RASSF7: variants seen among roughly 807,000 people sequenced by gnomAD.
The protein encoded by RASSF7 is ras association domain-containing protein 7.
In RASSF7, 41 loss-of-function variants were observed where a neutral mutation model predicts 33.8. The ratio of observed to expected loss-of-function variants is 1.21; its 90% CI spans 0.95 to 1.57. The LOEUF is 1.57. RASSF7 is among the 40% of genes most tolerant of loss of function. RASSF7 has a pLI of 0.00. For missense variants in RASSF7, 622 were observed against 497.0 expected (o/e 1.25, Z -2.39); for synonymous variants, 298 against 212.8 (o/e 1.40, Z -3.48).
In RASSF7 at chr11:562,167, C is replaced by T. The variant is rs747342490; in HGVS notation, c.213C>T (p.Ala71=). The part of the protein sequence containing the change: ...LPQECPVGAQ[A]TCGQFASDVQ... ...AAGAGTGTCCAGTGGGCGCCCAGGCCACCTGCGGACAGTTTGCCAGCGATG... is the reference window on the plus strand; with the variant it reads ...AAGAGTGTCCAGTGGGCGCCCAGGCTACCTGCGGACAGTTTGCCAGCGATG... The change falls in exon 3 of 6, where the codon GCC becomes GCT. Residue 71 remains alanine, a synonymous_variant. Coordinates refer to ENST00000397583, the MANE Select transcript of RASSF7 (RefSeq NM_003475.4). The T allele has an allele frequency of 1.9e-6, 3 of 1,572,224 alleles. No homozygotes were observed. Among genetic ancestry groups the T allele is most frequent in the African/African-American group, 1.4e-5 (1 of 73,886 alleles).
In RASSF7 at chr11:562,416, C is replaced by A. The variant is rs776103434; in HGVS notation, c.462C>A (p.Asp154Glu). The change falls in exon 3 of 6, where the codon GAC (aspartate) becomes GAA (glutamate). Residue 154 changes from aspartate (D) to glutamate (E), a missense_variant. Asp to Glu is a conservative substitution (Grantham distance 45, BLOSUM62 2). Coordinates refer to ENST00000397583, the MANE Select transcript of RASSF7 (RefSeq NM_003475.4). ...PVTPTPGCCT[D>E]LRGLELRVQR... ...CACCCACACCAGGCTGCTGCACAGA[C>A]CTGCGGGGCCTGGAGCTCAGGGTGC... 2 of 1,557,680 alleles carry A rather than the reference C, an allele frequency of 1.3e-6. No individual in the cohort carries two copies. Among genetic ancestry groups the A allele is most frequent in the Non-Finnish European group, 1.7e-6 (2 of 1,150,592 alleles).
Position 561,912 on chromosome 11 carries a change from G to C in RASSF7, c.124+20G>C, listed in dbSNP as rs1327522880. On this transcript the variant is annotated intron_variant, in intron 2 of 5. Transcript: ENST00000397583. ...CAATAGGTGAGTCCTCTCGGGGTCA[G>C]GCAGGCCGGGCAGGTAGAGCTGAAG... The C allele has an allele frequency of 6.2e-6, 10 of 1,612,184 alleles. No homozygotes were observed. The highest frequency in any genetic ancestry group is 8.5e-6 in the Non-Finnish European group (10 of 1,179,286).
At position 563,333 on chromosome 11, in the gene RASSF7, G is replaced by C. The variant is rs367859913; in HGVS notation, c.951+16G>C. The C allele has an allele frequency of 2.6e-5, 42 of 1,606,652 alleles. No homozygotes were observed. Among genetic ancestry groups the C allele is most frequent in the Non-Finnish European group, 3.4e-5 (40 of 1,176,866 alleles). ...TGGCACTCAGGTCGGAGTGGTTCTG[G>C]GGGGAGGCTGGGAGGTGAGGACCTG... On this transcript the variant is annotated intron_variant, in intron 4 of 5. Transcript: ENST00000397583.
Position 562,757 on chromosome 11 carries a change from C to A in RASSF7, c.803C>A (p.Ala268Glu). 10 of 1,513,464 alleles carry A rather than the reference C, an allele frequency of 6.6e-6. No homozygotes were observed. Among genetic ancestry groups the A allele is most frequent in the East Asian group, 2.5e-5 (1 of 40,672 alleles). The allele number at this position is 1,513,464 out of a possible 1,614,324, so 93.8% of individuals were successfully genotyped here. Residue 268 changes from alanine (A) to glutamate (E), a missense_variant, in exon 3 of 6, where the codon GCA becomes GAA. Ala to Glu is a moderately radical substitution (Grantham distance 107). Coordinates refer to ENST00000397583, the MANE Select transcript of RASSF7 (RefSeq NM_003475.4). The stretch of plus-strand genomic sequence containing the variant: ...GCTCTGGTGAGCCGGGCCCTGGAGG[C>A]AGCAGAGCGAGCCTTGCAGGTGAGC... ...SLALVSRALE[A>E]AERALQAQAQ...
rs1430389883 is a variant in RASSF7 at position 561,448 on chromosome 11, C to G, written c.-37C>G. On this transcript the variant is annotated 5_prime_UTR_variant, in exon 1 of 6. Coordinates refer to ENST00000397583, the MANE Select transcript of RASSF7 (RefSeq NM_003475.4). ...TGGCGTGCGGGCGCCTCCGCGCCGC[C>G]CGGGGAGGGGGCAGTGTCCTCCGAG... is the stretch of plus-strand genomic sequence containing the variant. 8.5e-7 allele frequency: 1 copy of G among 1,179,942 alleles called. No individual in the cohort carries two copies. The highest frequency in any genetic ancestry group is 1.1e-6 in the Non-Finnish European group (1 of 948,378). 73.1% of individuals were successfully genotyped at this position (1,179,942 alleles called of 1,614,324 possible).
Position 562,391 on chromosome 11 carries a change from C to G in RASSF7, c.437C>G (p.Thr146Arg). Residue 146 changes from threonine (T) to arginine (R), a missense_variant, in exon 3 of 6, where the codon ACA (threonine) becomes AGA (arginine). Thr to Arg is a moderately conservative substitution (Grantham distance 71). Coordinates refer to ENST00000397583, the MANE Select transcript of RASSF7 (RefSeq NM_003475.4). ...LSRPGPAAPV[T>R]PTPGCCTDLR... is the part of the protein sequence containing the mutation. ...CGCCCTGGGCCTGCGGCCCCTGTGACACCCACACCAGGCTGCTGCACAGAC... is the reference window on the plus strand; with the variant it reads ...CGCCCTGGGCCTGCGGCCCCTGTGAGACCCACACCAGGCTGCTGCACAGAC... 1.3e-6 allele frequency: 2 copies of G among 1,575,696 alleles called. No individual in the cohort carries two copies. Among genetic ancestry groups the G allele is most frequent in the Non-Finnish European group, 1.7e-6 (2 of 1,160,602 alleles).
Position 561,178 on chromosome 11 carries a change from G to A in RASSF7, c.-307G>A. ...GCACCTGCGCCCGCCCTGCGGAACG[G>A]GGACGCCCTGGCTCCCGCCAGGCTG... On this transcript the variant is annotated 5_prime_UTR_variant, in exon 1 of 6. Transcript: ENST00000397583. 10 of 984,986 alleles carry A rather than the reference G, an allele frequency of 1.0e-5. No homozygotes were observed. The highest frequency in any genetic ancestry group is 1.2e-5 in the Non-Finnish European group (10 of 829,818). The allele number at this position is 984,986 out of a possible 1,614,324, so 61.0% of individuals were successfully genotyped here.
Position 561,177 on chromosome 11 carries a change from G to A in RASSF7, c.-308G>A. 1.0e-6 allele frequency: 1 copy of A among 984,990 alleles called. No homozygotes were observed. Among genetic ancestry groups the A allele is most frequent in the Non-Finnish European group, 1.2e-6 (1 of 829,808 alleles). 61.0% of individuals were successfully genotyped at this position (984,990 alleles called of 1,614,324 possible). On this transcript the variant is annotated 5_prime_UTR_variant, in exon 1 of 6. Coordinates refer to ENST00000397583, the MANE Select transcript of RASSF7 (RefSeq NM_003475.4). ...CGCACCTGCGCCCGCCCTGCGGAAC[G>A]GGGACGCCCTGGCTCCCGCCAGGCT...
In RASSF7 at chr11:561,015, C is replaced by T; in HGVS notation, c.-470C>T. Reference sequence around the variant, plus strand: ...TTGCGGCGGCGCCGGAGCGGGTCTCCAGGCTGGCGAGCGCCCAGGTGAGCC... The same window carrying T: ...TTGCGGCGGCGCCGGAGCGGGTCTCTAGGCTGGCGAGCGCCCAGGTGAGCC... On this transcript the variant is annotated 5_prime_UTR_variant, in exon 1 of 6. Coordinates refer to ENST00000397583, the MANE Select transcript of RASSF7 (RefSeq NM_003475.4). The T allele has an allele frequency of 2.9e-6, 3 of 1,018,786 alleles. No individual in the cohort carries two copies. Among genetic ancestry groups the T allele is most frequent in the Non-Finnish European group, 3.5e-6 (3 of 852,626 alleles). The allele number at this position is 1,018,786 out of a possible 1,614,324, so 63.1% of individuals were successfully genotyped here.
At position 563,960 on chromosome 11, in the gene RASSF7, A is replaced by G. The variant is rs1301816380; in HGVS notation, c.*315A>G. 2.2e-6 allele frequency: 1 copy of G among 455,558 alleles called. No homozygotes were observed. Among genetic ancestry groups the G allele is most frequent in the Non-Finnish European group, 3.9e-6 (1 of 256,020 alleles). 28.2% of individuals were successfully genotyped at this position (455,558 alleles called of 1,614,324 possible). On this transcript the variant is annotated 3_prime_UTR_variant, in exon 6 of 6. Transcript: ENST00000397583. ...TCCTTCACTGTGTGTACACAGCAAG[A>G]GCATGTGTGTGCCACTTCCCCTACC...
rs111862990 is a variant in RASSF7 at position 562,707 on chromosome 11, G to C, written c.753G>C (p.Gln251His). The C allele has an allele frequency of 9.5e-4, 1,459 of 1,542,230 alleles. 15 individuals are homozygous for C. In the African/African-American group the frequency reaches 0.018, roughly 19 times the overall value. ...LHQDLAVQER[Q>H]SAEVQGSLAL... Reference sequence around the variant, plus strand: ...AGGACCTGGCTGTTCAGGAGCGGCAGAGTGCGGAGGTGCAGGGCAGCCTGG... The same window carrying C: ...AGGACCTGGCTGTTCAGGAGCGGCACAGTGCGGAGGTGCAGGGCAGCCTGG... The change falls in exon 3 of 6, where the codon CAG becomes CAC. Residue 251 changes from glutamine (Q) to histidine (H), a missense_variant. Transcript: ENST00000397583.
At position 561,815 on chromosome 11, in the gene RASSF7, G is replaced by A. The variant is rs761702567; in HGVS notation, c.47G>A (p.Gly16Asp). Residue 16 changes from glycine to aspartate, a missense_variant, in exon 2 of 6, where the codon GGC becomes GAC. By Grantham distance (94) the Gly-to-Asp change is moderately conservative. Transcript: ENST00000397583. Reference protein sequence around the residue: ...AAMELKVWVDGIQRVVCGVSE... With the variant: ...AAMELKVWVDDIQRVVCGVSE... ...ATGGAGCTGAAGGTGTGGGTGGATG[G>A]CATCCAGCGTGTGGTCTGTGGGGTC... 6.8e-6 allele frequency: 11 copies of A among 1,613,300 alleles called. No homozygotes were observed. The highest frequency in any genetic ancestry group is 6.7e-5 in the African/African-American group (5 of 74,936).
At position 561,476 on chromosome 11, in the gene RASSF7, A is replaced by C; in HGVS notation, c.-9A>C. 2 of 1,262,818 alleles carry C rather than the reference A, an allele frequency of 1.6e-6. No homozygotes were observed. The highest frequency in any genetic ancestry group is 2.0e-6 in the Non-Finnish European group (2 of 994,838). 78.2% of individuals were successfully genotyped at this position (1,262,818 alleles called of 1,614,324 possible). ...GGGAGGGGGCAGTGTCCTCCGAGCC[A>C]GGTGAGGCGAGTAGGAAATGCTGGA... is the stretch of plus-strand genomic sequence containing the variant. On this transcript the variant is annotated splice_region_variant and 5_prime_UTR_variant, in exon 1 of 6. Coordinates refer to ENST00000397583, the MANE Select transcript of RASSF7 (RefSeq NM_003475.4).
At position 561,493 on chromosome 11, in the gene RASSF7, A is replaced by G; in HGVS notation, c.-8+16A>G. 2 of 1,324,858 alleles carry G rather than the reference A, an allele frequency of 1.5e-6. No homozygotes were observed. Among genetic ancestry groups the G allele is most frequent in the East Asian group, 3.0e-5 (1 of 33,368 alleles). 82.1% of individuals were successfully genotyped at this position (1,324,858 alleles called of 1,614,324 possible). Reference sequence around the variant, plus strand: ...TCCGAGCCAGGTGAGGCGAGTAGGAAATGCTGGATCTGGTTAATGATTCGC... The same window carrying G: ...TCCGAGCCAGGTGAGGCGAGTAGGAGATGCTGGATCTGGTTAATGATTCGC... On this transcript the variant is annotated intron_variant, in intron 1 of 5. Transcript: ENST00000397583.
At chr11:561,648 C>G in intron 1 of RASSF7, 114 bp from the exon 2 acceptor site, 2 of 1,494,180 alleles carry the variant, frequency 1.3e-6, no homozygotes, top group Non-Finnish European at 1.8e-6. Context: ...GGGGCCCGTG[C>G]GGAGGGGCGG....
Position 563,325 on chromosome 11 carries a change from T to G in RASSF7, c.951+8T>G. The G allele has an allele frequency of 6.2e-7, 1 of 1,607,654 alleles. No homozygotes were observed. The highest frequency in any genetic ancestry group is 8.5e-7 in the Non-Finnish European group (1 of 1,177,750). On this transcript the variant is annotated splice_region_variant and intron_variant, in intron 4 of 5. Transcript: ENST00000397583. ...GGCCCTCCTGGCACTCAGGTCGGAG[T>G]GGTTCTGGGGGGAGGCTGGGAGGTG...
rs1308817197 is a variant in RASSF7, at chr11:562,239, C to T, written c.285C>T (p.Pro95=). The part of the protein sequence containing the change: ...RRTGPSLAGR[P]SSDSCPPPER... ...CAGGGCCCAGCCTAGCTGGGAGGCC[C>T]TCCTCAGACAGCTGTCCACCCCCGG... Residue 95 remains proline, a synonymous_variant, in exon 3 of 6, where the codon CCC becomes CCT. Transcript: ENST00000397583. 2 of 1,612,544 alleles carry T rather than the reference C, an allele frequency of 1.2e-6. No homozygotes were observed. Among genetic ancestry groups the T allele is most frequent in the South Asian group, 1.1e-5 (1 of 91,020 alleles).
chr11:562,812 A>C lies in RASSF7; in HGVS notation c.822+36A>C, dbSNP rs1235931251. The C allele has an allele frequency of 2.1e-6, 3 of 1,415,892 alleles. No homozygotes were observed. The Admixed American group carries it at 8.0e-5, about 38-fold the overall frequency. The allele number at this position is 1,415,892 out of a possible 1,614,324, so 87.7% of individuals were successfully genotyped here. On this transcript the variant is annotated intron_variant, in intron 3 of 5. Transcript: ENST00000397583. ...GGACCTGATCCCCTGTCACTCCCCC[A>C]CCCCTGATATGGGCAGATACGGGGA...
In RASSF7 at chr11:562,225, C is replaced by T. The variant is rs1457919019; in HGVS notation, c.271C>T (p.Leu91=). ...QFVLRRTGPS[L]AGRPSSDSCP... ...TGTCCTGAGGCGCACAGGGCCCAGC[C>T]TAGCTGGGAGGCCCTCCTCAGACAG... is the stretch of plus-strand genomic sequence containing the variant. Residue 91 remains leucine (L), a synonymous_variant, in exon 3 of 6, where the codon CTA becomes TTA. Transcript: ENST00000397583. 1.9e-6 allele frequency: 3 copies of T among 1,611,304 alleles called. No homozygotes were observed. Among genetic ancestry groups the T allele is most frequent in the Non-Finnish European group, 2.5e-6 (3 of 1,179,186 alleles).
Sources: allele counts gnomAD v4.1 joint callset, GRCh38; gene constraint gnomAD v4.1.1; transcripts MANE v1.5; gene names NCBI Gene and HGNC (gene_info 2026-07-23, HGNC 2026-07-21).